Variants in ENO1 observed in about 807,000 individuals in gnomAD.
ENO1 encodes the protein alpha-enolase.
A neutral mutation model predicts 46.3 loss-of-function variants in ENO1; 33 were observed. That is an observed-to-expected ratio of 0.71 (90% CI 0.54 to 0.95). ENO1 has a LOEUF of 0.95. Ranked by LOEUF, ENO1 falls within the 40% of genes least tolerant of loss-of-function variation. The pLI is 0.00. For missense variants in ENO1, 488 were observed against 553.3 expected, an observed-to-expected ratio of 0.88 and a Z score of 1.18; for synonymous variants, 220 against 216.0, an observed-to-expected ratio of 1.02 and a Z score of -0.16.
At position 8,867,219 on chromosome 1, in the gene ENO1, C is replaced by A; in HGVS notation, c.342G>T (p.Val114=). 6.2e-7 allele frequency: 1 copy of A among 1,614,182 alleles called. No individual in the cohort carries two copies. The highest frequency in any genetic ancestry group is 8.5e-7 in the Non-Finnish European group (1 of 1,180,036). ...CACCAGCTTTGCAGACGGCAAGGGACACCCCCAGAATGGCGTTCGCACCAA... is the reference window on the plus strand; with the variant it reads ...CACCAGCTTTGCAGACGGCAAGGGAAACCCCCAGAATGGCGTTCGCACCAA... ...SKFGANAILG[V]SLAVCKAGAV... is the part of the protein sequence containing the mutation. The change falls in exon 6 of 12, where the codon GTG becomes GTT. Residue 114 remains valine, a synonymous_variant. Coordinates refer to ENST00000234590, the MANE Select transcript of ENO1 (RefSeq NM_001428.5).
At position 8,865,389 on chromosome 1, in the gene ENO1, G is replaced by A; in HGVS notation, c.761C>T (p.Ser254Phe). Reference sequence around the variant, plus strand: ...CTTGAAGTCCAGGTCATACTTCCCAGACCTGAAGAACTCGGAGGCCGCTAC... The same window carrying A: ...CTTGAAGTCCAGGTCATACTTCCCAAACCTGAAGAACTCGGAGGCCGCTAC... ...MDVAASEFFR[S>F]GKYDLDFKSP... The change falls in exon 8 of 12, where the codon TCT (serine) becomes TTT (phenylalanine). Residue 254 changes from serine (S) to phenylalanine (F), a missense_variant. Physicochemically the swap from Ser to Phe is radical, Grantham distance 155. Coordinates refer to ENST00000234590, the MANE Select transcript of ENO1 (RefSeq NM_001428.5). 6.2e-7 allele frequency: 1 copy of A among 1,614,168 alleles called. No homozygotes were observed. Among genetic ancestry groups the A allele is most frequent in the Admixed American group, 1.7e-5 (1 of 60,012 alleles).
rs893079419 is a variant in ENO1, at chr1:8,871,797, A to C, written c.181+94T>G. 11 of 1,396,426 alleles carry C rather than the reference A, an allele frequency of 7.9e-6. No individual in the cohort carries two copies. The African/African-American group carries it at 1.6e-4, about 20-fold the overall frequency. The allele number at this position is 1,396,426 out of a possible 1,614,324, so 86.5% of individuals were successfully genotyped here. A position where few individuals can be genotyped will look rare whatever the true frequency, so the allele number is the denominator to read the frequency against. ...GCAGGTTTACCTGCCATAAACCTGC[A>C]AGTGCAAGTGCCACCCAGAGAGGAC... is the stretch of plus-strand genomic sequence containing the variant. On this transcript the variant is annotated intron_variant, in intron 3 of 11. Coordinates refer to ENST00000234590, the MANE Select transcript of ENO1 (RefSeq NM_001428.5).
intron 11 of ENO1, among the ~76,000 whole-genome samples, chr1:8,862,191 T>G (rs961901751): frequency 2.0e-5 from 3 of 152,030 alleles, no homozygotes; most frequent in African/African-American, 7.2e-5. Flanking sequence ...GAATGGGAGT[T>G]TGAGGCTGCA....
chr1:8,864,208 G>C, intron 8 of ENO1, 116 bp from the exon 9 acceptor site: 5 of 1,131,710 alleles, frequency 4.4e-6, no homozygotes, highest in Non-Finnish European at 6.7e-6. Flanking sequence ...ATGCCCAAAA[G>C]CATAGGATGG....
intron 2 of ENO1, among the ~76,000 whole-genome samples, chr1:8,873,236 G>T (rs965156998): frequency 6.6e-6 from 1 of 152,154 alleles, no homozygotes; most frequent in South Asian, 2.1e-4. Flanking sequence ...ACAATGGGGG[G>T]GCTGCGCATG....
At chr1:8,867,278 G>GAA (rs767370428) in intron 5 of ENO1, 28 bp from the exon 6 acceptor site, 37 of 1,611,696 alleles carry the variant, frequency 2.3e-5, no homozygotes, top group Non-Finnish European at 3.1e-5. Context: ...CGAGTGGAAT[G>GAA]AAGTCATTTC....
intron 2 of ENO1, 60 bp downstream of exon 2, chr1:8,874,764 A>G: frequency 6.7e-7 from 1 of 1,491,994 alleles, no homozygotes. Flanking sequence ...GCATTTGTAG[A>G]AAATTTTTAA....
chr1:8,867,396 T>G (rs1642543407), intron 5 of ENO1, 146 bp from the exon 6 acceptor site: 3 of 1,194,278 alleles, frequency 2.5e-6, no homozygotes. Context: ...CAAATAGCAT[T>G]CTATGTGGAC....
Position 8,868,059 on chromosome 1 carries a change from T to G in ENO1, c.241-2A>C. ...CTCTTGTTCTGTGACGTTCAGTTTC[T>G]ACGAGGGAGAGGGGAGAATGAGGGG... On this transcript the variant is annotated splice_acceptor_variant, in intron 4 of 11. Coordinates refer to ENST00000234590, the MANE Select transcript of ENO1 (RefSeq NM_001428.5). LOFTEE classifies it high-confidence loss of function. 1 of 1,613,414 alleles carries G rather than the reference T, an allele frequency of 6.2e-7. No homozygotes were observed. Among genetic ancestry groups the G allele is most frequent in the Non-Finnish European group, 8.5e-7 (1 of 1,179,376 alleles).
At chr1:8,865,077 G>A (rs540683727) in intron 8 of ENO1, among the ~76,000 whole-genome samples, 4 of 152,122 alleles carry the variant, frequency 2.6e-5, no homozygotes, top group South Asian at 2.1e-4. Context: ...GCTGGCACCC[G>A]AGCTCCTTAG....
At chr1:8,875,762 A>G (rs969497458) in intron 1 of ENO1, 1 of 152,088 alleles carries the variant, frequency 6.6e-6, no homozygotes, top group Non-Finnish European at 1.5e-5. Context: ...GTCATTAATG[A>G]TAACATCTTT....
At chr1:8,867,734 G>A (rs371313919) in intron 5 of ENO1, among the ~76,000 whole-genome samples, 1 of 152,036 alleles carries the variant, frequency 6.6e-6, no homozygotes, top group Non-Finnish European at 1.5e-5. Context: ...GTTTCACCAC[G>A]TTGGCCAGGA....
intron 2 of ENO1, among the ~76,000 whole-genome samples, chr1:8,872,989 TGTTGCAGAGAAA>T (rs924552490): frequency 5.9e-5 from 9 of 152,202 alleles, no homozygotes; most frequent in Non-Finnish European, 1.2e-4. Context: ...TCAAGGAAGA[TGTTGCAGAGAAA>T]CCAACAAGAT....
In ENO1 at chr1:8,871,688, G is replaced by A. The variant is rs1642635976; in HGVS notation, c.181+203C>T. 2.2e-6 allele frequency: 3 copies of A among 1,349,424 alleles called. No individual in the cohort carries two copies. The South Asian group carries it at 5.1e-5, about 23-fold the overall frequency. The allele number at this position is 1,349,424 out of a possible 1,614,324, so 83.6% of individuals were successfully genotyped here. A position where few individuals can be genotyped will look rare whatever the true frequency, so the allele number is the denominator to read the frequency against. ...CATTGGAACTCTCGACCCAGAGCAT[G>A]CAGGCTCGGGAACCCCGGAATCCAC... On this transcript the variant is annotated intron_variant, in intron 3 of 11. Transcript: ENST00000234590.
In ENO1 at chr1:8,876,818, G is replaced by A. The variant is rs547491657; in HGVS notation, c.-10+1762C>T. Reference sequence around the variant, plus strand: ...CTCAGAAAAAAAAAAAAAGACAAACGTCTTAGGATGTGAAAATAAAGTGTG... The same window carrying A: ...CTCAGAAAAAAAAAAAAAGACAAACATCTTAGGATGTGAAAATAAAGTGTG... On this transcript the variant is annotated intron_variant, in intron 1 of 11. Transcript: ENST00000234590. Among the ~76,000 whole-genome samples, 17 of 150,802 alleles carry A rather than the reference G, an allele frequency of 1.1e-4. 1 individual carries two copies. In the South Asian group the frequency reaches 1.3e-3, roughly 11 times the overall value.
chr1:8,870,414 G>A lies in ENO1; in HGVS notation c.240+38C>T, dbSNP rs767224734. The A allele has an allele frequency of 9.9e-6, 16 of 1,613,760 alleles. No individual in the cohort carries two copies. The South Asian group carries it at 1.1e-4, about 11-fold the overall frequency. On this transcript the variant is annotated intron_variant, in intron 4 of 11. Transcript: ENST00000234590. The stretch of plus-strand genomic sequence containing the variant: ...CCCTGGGCCTGGGAGACGCTCTGGT[G>A]GCATTAGACACATTAGTTATCAGGA...
chr1:8,872,847 A>G (rs898175815), intron 2 of ENO1, among the ~76,000 whole-genome samples: 1 of 152,210 alleles, frequency 6.6e-6, no homozygotes, highest in Admixed American at 6.5e-5. Context: ...AGGAATAAAG[A>G]TAATAAAATG....
intron 7 of ENO1, among the ~76,000 whole-genome samples, chr1:8,865,837 G>T (rs1248396167): frequency 6.6e-6 from 1 of 151,622 alleles, no homozygotes; most frequent in African/African-American, 2.4e-5. Context: ...CAGAAGCGGG[G>T]TCCAAGAGAA....
At position 8,861,200 on chromosome 1, in the gene ENO1, G is replaced by T; in HGVS notation, c.*160C>A. 1.5e-6 allele frequency: 1 copy of T among 667,724 alleles called. No individual in the cohort carries two copies. Among genetic ancestry groups the T allele is most frequent in the Non-Finnish European group, 2.5e-6 (1 of 399,684 alleles). The allele number at this position is 667,724 out of a possible 1,614,324, so 41.4% of individuals were successfully genotyped here. On this transcript the variant is annotated 3_prime_UTR_variant, in exon 12 of 12. Coordinates refer to ENST00000234590, the MANE Select transcript of ENO1 (RefSeq NM_001428.5). ...CAGGGCTCCAGGGAGCTTGGCTTCT[G>T]TAGAAGTTCTAAGGAAGCGGTACGA...
Sources: allele counts gnomAD v4.1 joint callset (sites outside exome capture counted in the v4.1 genomes callset), GRCh38; gene constraint gnomAD v4.1.1; transcripts MANE v1.5; gene names NCBI Gene and HGNC (gene_info 2026-07-23, HGNC 2026-07-21).